Variants in CFDP1 observed in about 807,000 individuals in gnomAD.
CFDP1 encodes the protein heterochromatin-stabilizing protein CFDP1.
A neutral mutation model predicts 40.1 loss-of-function variants in CFDP1; 31 were observed. The ratio of observed to expected loss-of-function variants is 0.77; its 90% CI spans 0.58 to 1.04. The LOEUF (loss-of-function observed/expected upper bound fraction) is 1.04, where lower values mean the gene tolerates loss of function less well. Among genes scored for constraint, CFDP1 ranks in the 50% least tolerant of loss-of-function variants. The pLI, the probability that CFDP1 is intolerant of heterozygous loss-of-function variation, is 0.00. For synonymous variants in CFDP1, 167 were observed against 120.0 expected (o/e 1.39, Z -2.56); for missense variants, 423 against 343.4 (o/e 1.23, Z -1.83).
chr16:75,395,616 G>A (rs1363210369), intron 4 of CFDP1, among the ~76,000 whole-genome samples: 2 of 151,978 alleles, frequency 1.3e-5, no homozygotes, highest in Non-Finnish European at 2.9e-5. Context: ...CCGAGATCAC[G>A]CCATTGCACT....
chr16:75,375,156 C>T (rs1311058353), intron 5 of CFDP1, among the ~76,000 whole-genome samples: 1 of 151,778 alleles, frequency 6.6e-6, no homozygotes, highest in African/African-American at 2.4e-5. Context: ...GCAAAATCTT[C>T]TCAACCTTAT....
chr16:75,301,697 G>A (rs1372454076), intron 6 of CFDP1: 1 of 151,702 alleles, frequency 6.6e-6, no homozygotes, highest in African/African-American at 2.4e-5. Context: ...TCTCAACCTT[G>A]GCTGTGCATG....
chr16:75,386,676 G>A (rs535606502), intron 5 of CFDP1, among the ~76,000 whole-genome samples: 2 of 152,162 alleles, frequency 1.3e-5, no homozygotes, highest in South Asian at 4.1e-4. Context: ...AGTGAGCCGA[G>A]ATCCCGACAC....
intron 5 of CFDP1, among the ~76,000 whole-genome samples, chr16:75,323,543 G>C (rs1466786532): frequency 6.6e-6 from 1 of 151,846 alleles, no homozygotes; most frequent in African/African-American, 2.4e-5. Flanking sequence ...CACTTGTGAA[G>C]GCCGAGGCAG....
intron 4 of CFDP1, among the ~76,000 whole-genome samples, chr16:75,401,515 G>A (rs915835409): frequency 2.6e-5 from 4 of 151,518 alleles, no homozygotes; most frequent in East Asian, 1.9e-4. Flanking sequence ...CAGGAGATTC[G>A]TTTGAACCCA....
intron 5 of CFDP1, among the ~76,000 whole-genome samples, chr16:75,352,134 A>G (rs1171958172): frequency 6.6e-6 from 1 of 151,710 alleles, no homozygotes; most frequent in Non-Finnish European, 1.5e-5. Flanking sequence ...TGAGGTCAGG[A>G]GTTTGAGACC....
chr16:75,386,127 A>G (rs2078895923), intron 5 of CFDP1, among the ~76,000 whole-genome samples: 1 of 152,204 alleles, frequency 6.6e-6, no homozygotes, highest in South Asian at 2.1e-4. Context: ...CCCGGAACTT[A>G]AAGTAAAATT....
intron 5 of CFDP1, among the ~76,000 whole-genome samples, chr16:75,384,122 T>A (rs1388249054): frequency 6.6e-6 from 1 of 152,104 alleles, no homozygotes; most frequent in Non-Finnish European, 1.5e-5. Context: ...TAGCACTTTG[T>A]GAGGCTGAGG....
chr16:75,308,596 T>C (rs1290169959), intron 5 of CFDP1, among the ~76,000 whole-genome samples: 1 of 152,210 alleles, frequency 6.6e-6, no homozygotes, highest in Non-Finnish European at 1.5e-5. Flanking sequence ...AACCAATTCA[T>C]GGAAGAGAAT....
intron 5 of CFDP1, among the ~76,000 whole-genome samples, chr16:75,357,205 G>A (rs936715633): frequency 2.6e-5 from 4 of 151,710 alleles, no homozygotes; most frequent in African/African-American, 9.7e-5. Flanking sequence ...GAGCCACCTC[G>A]ACCAGCCTGG....
At chr16:75,432,619 C>G (rs562924769) in intron 1 of CFDP1, among the ~76,000 whole-genome samples, 2 of 152,080 alleles carry the variant, frequency 1.3e-5, no homozygotes, top group South Asian at 4.1e-4. Flanking sequence ...TTTTGTTAGT[C>G]TGTTTGTTTC....
In CFDP1 at chr16:75,373,654, ATTT is replaced by A. The variant is rs1478851263; in HGVS notation, c.650+21433_650+21435del. Among the ~76,000 whole-genome samples, 3 of 151,984 alleles carry A rather than the reference ATTT, an allele frequency of 2.0e-5. 1 individual carries two copies. In the East Asian group the frequency reaches 5.8e-4, roughly 29 times the overall value. ...CTTCCCTAAAGACTGTATTCTTTTT[ATTT>A]TTATTTATTTATTTTGGTATGAACG... On this transcript the variant is annotated intron_variant, in intron 5 of 6. Transcript: ENST00000283882.
chr16:75,317,720 C>T (rs920055046), intron 5 of CFDP1, among the ~76,000 whole-genome samples: 2 of 152,162 alleles, frequency 1.3e-5, no homozygotes, highest in Admixed American at 6.5e-5. Flanking sequence ...GAGGAAGACA[C>T]AGCTTATTTT....
At chr16:75,430,112 A>C (rs1434145265) in intron 1 of CFDP1, among the ~76,000 whole-genome samples, 1 of 152,184 alleles carries the variant, frequency 6.6e-6, no homozygotes, top group Non-Finnish European at 1.5e-5. Flanking sequence ...GAGTTTGCCT[A>C]AACAGAAAGG....
chr16:75,402,202 C>A (rs973797599), intron 4 of CFDP1, among the ~76,000 whole-genome samples: 1 of 152,082 alleles, frequency 6.6e-6, no homozygotes, highest in Non-Finnish European at 1.5e-5. Flanking sequence ...AATTATAGAC[C>A]ACCTCTAACG....
intron 5 of CFDP1, among the ~76,000 whole-genome samples, chr16:75,384,851 A>AATATATAT (rs1567665351): frequency 1.5e-5 from 1 of 68,060 alleles, no homozygotes; most frequent in African/African-American, 6.9e-5. Flanking sequence ...AGAAACTAAA[A>AATATATAT]CTATATATAT....
At chr16:75,328,186 G>A (rs1459772467) in intron 5 of CFDP1, among the ~76,000 whole-genome samples, 2 of 140,206 alleles carry the variant, frequency 1.4e-5, no homozygotes, top group African/African-American at 5.3e-5. Context: ...GTCTCACTAT[G>A]TTGCCCAGGC....
At chr16:75,344,361 C>A (rs2078547484) in intron 5 of CFDP1, among the ~76,000 whole-genome samples, 1 of 152,230 alleles carries the variant, frequency 6.6e-6, no homozygotes, top group South Asian at 2.1e-4. Flanking sequence ...TATTTCACCA[C>A]AGTAAGAAAA....
intron 6 of CFDP1, among the ~76,000 whole-genome samples, chr16:75,298,328 T>TA (rs1341636490): frequency 1.3e-5 from 2 of 152,084 alleles, no homozygotes; most frequent in Non-Finnish European, 1.5e-5. Context: ...TTGAGGGTGG[T>TA]AAGGCCCAAT....
Sources: gnomAD v4.1 joint callset for allele counts (sites outside exome capture counted in the v4.1 genomes callset) on GRCh38, gnomAD v4.1.1 for gene constraint, MANE v1.5 for transcripts, NCBI Gene and HGNC (gene_info 2026-07-23, HGNC 2026-07-21) for gene names.